PCDH9: variants seen among roughly 807,000 people sequenced by gnomAD.
PCDH9 encodes the protein protocadherin-9.
PCDH9 carries 24 observed loss-of-function variants against 70.6 expected under a neutral mutation model. The ratio of observed to expected loss-of-function variants is 0.34; its 90% CI spans 0.25 to 0.48. The LOEUF is 0.48. Ranked by LOEUF, PCDH9 falls within the 20% of genes least tolerant of loss-of-function variation. The probability of loss-of-function intolerance (pLI) is 0.99; values close to 1 mark genes in which losing one functional copy is unlikely to be tolerated. For missense variants in PCDH9, 1,281 were observed against 1,503.6 expected (o/e 0.85, Z 2.45); for synonymous variants, 562 against 558.5 (o/e 1.01, Z -0.09).
At chr13:66,728,424 C>T (rs771219664) in intron 3 of PCDH9, among the ~76,000 whole-genome samples, 12 of 152,090 alleles carry the variant, frequency 7.9e-5, no homozygotes, top group South Asian at 6.2e-4. Flanking sequence ...TATCCGTTTC[C>T]GAATGTTGTT....
intron 3 of PCDH9, among the ~76,000 whole-genome samples, chr13:66,848,701 G>A (rs1429743382): frequency 6.6e-6 from 1 of 151,966 alleles, no homozygotes; most frequent in African/African-American, 2.4e-5. Context: ...GGCTGAGGCG[G>A]GCGGATCACG....
chr13:66,827,631 C>G (rs367624447), intron 3 of PCDH9, among the ~76,000 whole-genome samples: 1 of 152,208 alleles, frequency 6.6e-6, no homozygotes, highest in East Asian at 1.9e-4. Flanking sequence ...AAGAAGAAAG[C>G]CTTCCAAACA....
chr13:66,996,464 A>G (rs971838560), intron 2 of PCDH9, among the ~76,000 whole-genome samples: 7 of 152,188 alleles, frequency 4.6e-5, no homozygotes, highest in South Asian at 2.1e-4. Flanking sequence ...AGAGAAAGAG[A>G]TATTTGAAAA....
At chr13:66,395,426 C>A (rs1393353673) in intron 4 of PCDH9, among the ~76,000 whole-genome samples, 1 of 151,958 alleles carries the variant, frequency 6.6e-6, no homozygotes. Flanking sequence ...GATGGTGAAA[C>A]CCCGTCTCTA....
rs183741611 is a variant in PCDH9, at chr13:66,922,019, A to C, written c.3037-18414T>G. Among the ~76,000 whole-genome samples the C allele has an allele frequency of 2.1e-3, 325 of 151,428 alleles. 5 individuals are homozygous for C. The highest frequency in any genetic ancestry group is 7.4e-3 in the African/African-American group (305 of 41,468). On this transcript the variant is annotated intron_variant, in intron 2 of 4. Transcript: ENST00000377865. ...TGAAAACTTTGTCAACTATTCCCTG[A>C]GATGACTTGTGACTTAGGTTAACTT...
chr13:67,157,135 A>T (rs1044418784), intron 2 of PCDH9, among the ~76,000 whole-genome samples: 1 of 152,178 alleles, frequency 6.6e-6, no homozygotes, highest in African/African-American at 2.4e-5. Context: ...ACATATATTG[A>T]ATTAATATTA....
intron 4 of PCDH9, among the ~76,000 whole-genome samples, chr13:66,539,003 TG>T (rs781067064): frequency 4.6e-5 from 7 of 152,062 alleles, no homozygotes; most frequent in Non-Finnish European, 7.4e-5. Context: ...CATTAATCTA[TG>T]TTTTTAACAC....
intron 4 of PCDH9, among the ~76,000 whole-genome samples, chr13:66,528,017 CAAAG>C (rs921139997): frequency 1.3e-5 from 2 of 152,024 alleles, no homozygotes; most frequent in Non-Finnish European, 2.9e-5. Context: ...GACTCGGTCT[CAAAG>C]GAAGTGAAGA....
chr13:67,120,506 C>A (rs533262677), intron 2 of PCDH9, among the ~76,000 whole-genome samples: 11 of 151,960 alleles, frequency 7.2e-5, no homozygotes, highest in Non-Finnish European at 1.3e-4. Flanking sequence ...TTTTTTTCTC[C>A]TTTTTGTGCC....
intron 2 of PCDH9, chr13:67,210,056 T>A (rs940616181): frequency 2.6e-5 from 4 of 152,098 alleles, no homozygotes; most frequent in African/African-American, 9.6e-5. Flanking sequence ...CAAAACTATG[T>A]GTAATTCTCC....
intron 4 of PCDH9, among the ~76,000 whole-genome samples, chr13:66,384,087 A>G (rs556694657): frequency 6.6e-6 from 1 of 152,256 alleles, no homozygotes; most frequent in African/African-American, 2.4e-5. Flanking sequence ...TTATACAAAT[A>G]AAGAATTTCC....
At chr13:66,831,115 C>T (rs2080917868) in intron 3 of PCDH9, among the ~76,000 whole-genome samples, 2 of 152,128 alleles carry the variant, frequency 1.3e-5, no homozygotes, top group Non-Finnish European at 2.9e-5. Context: ...TCTCCATGGA[C>T]AGATGCATCT....
chr13:66,380,701 G>C (rs1187458388), intron 4 of PCDH9, among the ~76,000 whole-genome samples: 1 of 151,790 alleles, frequency 6.6e-6, no homozygotes, highest in Non-Finnish European at 1.5e-5. Flanking sequence ...CCGCCACCAC[G>C]CCCGGCTAAT....
Position 67,018,593 on chromosome 13 carries a change from T to TG in PCDH9, c.3037-114989dup, listed in dbSNP as rs753778502. The stretch of plus-strand genomic sequence containing the variant: ...TAGATTGTGCCACTGCACTTCAGCC[T>TG]GGCAACAGAGCGAGACTCGTCTCAA... On this transcript the variant is annotated intron_variant, in intron 2 of 4. Coordinates refer to ENST00000377865, the MANE Select transcript of PCDH9 (RefSeq NM_203487.3). Among the ~76,000 whole-genome samples the TG allele has an allele frequency of 4.8e-3, 620 of 130,510 alleles. 3 individuals carry two copies. The highest frequency in any genetic ancestry group is 7.8e-3 in the Non-Finnish European group (500 of 64,498). The allele number at this position is 130,510 out of a possible 152,430, so 85.6% of individuals were successfully genotyped here. A position where few individuals can be genotyped will look rare whatever the true frequency, so the allele number is the denominator to read the frequency against.
chr13:66,814,742 A>G (rs1416753162), intron 3 of PCDH9, among the ~76,000 whole-genome samples: 2 of 152,120 alleles, frequency 1.3e-5, no homozygotes, highest in Non-Finnish European at 1.5e-5. Flanking sequence ...TCTTTACACC[A>G]TATTCTAAAA....
chr13:67,053,775 T>G, intron 2 of PCDH9, among the ~76,000 whole-genome samples: 1 of 152,206 alleles, frequency 6.6e-6, no homozygotes, highest in African/African-American at 2.4e-5. Flanking sequence ...ATTTCAGTAT[T>G]TATCCAGGCC....
chr13:66,520,162 A>G (rs1272377666), intron 4 of PCDH9, among the ~76,000 whole-genome samples: 7 of 152,068 alleles, frequency 4.6e-5, no homozygotes, highest in Non-Finnish European at 5.9e-5. Flanking sequence ...CAATACTATC[A>G]TTTATTTTTA....
At chr13:67,016,272 A>T (rs2084558681) in intron 2 of PCDH9, among the ~76,000 whole-genome samples, 1 of 152,178 alleles carries the variant, frequency 6.6e-6, no homozygotes, top group Non-Finnish European at 1.5e-5. Flanking sequence ...CATTGTCACA[A>T]AGCCAGTGGG....
intron 2 of PCDH9, among the ~76,000 whole-genome samples, chr13:67,169,293 T>C (rs1227596540): frequency 6.6e-6 from 1 of 152,248 alleles, no homozygotes; most frequent in Non-Finnish European, 1.5e-5. Flanking sequence ...TAAAATCATC[T>C]GTTCAAATTT....
Sources: allele counts gnomAD v4.1 joint callset (sites outside exome capture counted in the v4.1 genomes callset), GRCh38; gene constraint gnomAD v4.1.1; transcripts MANE v1.5; gene names NCBI Gene and HGNC (gene_info 2026-07-23, HGNC 2026-07-21).